Variants in AUTS2 observed in about 807,000 individuals in gnomAD.
The protein encoded by AUTS2 is activator of transcription and developmental regulator AUTS2, also known as autism susceptibility gene 2 protein.
AUTS2 carries 17 observed loss-of-function variants against 112.4 expected under a neutral mutation model. That is an observed-to-expected ratio of 0.15 (90% CI 0.10 to 0.23). The LOEUF (loss-of-function observed/expected upper bound fraction) is 0.23, where lower values mean the gene tolerates loss of function less well. AUTS2 is among the 10% of genes least tolerant of loss of function. The probability of loss-of-function intolerance (pLI) is 1.00; values close to 1 mark genes in which losing one functional copy is unlikely to be tolerated. For synonymous variants in AUTS2, 751 were observed against 702.7 expected (o/e 1.07, Z -1.09); for missense variants, 1,510 against 1,701.6 (o/e 0.89, Z 1.98).
intron 4 of AUTS2, among the ~76,000 whole-genome samples, chr7:70,142,240 G>A (rs557374295): frequency 6.6e-5 from 10 of 152,260 alleles, no homozygotes; most frequent in Admixed American, 2.0e-4. Context: ...CCCATCTCTG[G>A]CCCCTCAGAT....
At chr7:70,503,119 G>A (rs1450864915) in intron 5 of AUTS2, among the ~76,000 whole-genome samples, 1 of 152,096 alleles carries the variant, frequency 6.6e-6, no homozygotes, top group Admixed American at 6.5e-5. Context: ...ACCCATAGGT[G>A]TGCCTGTGCA....
Position 70,041,813 on chromosome 7 carries a change from TA to T in AUTS2, c.523-76317del, listed in dbSNP as rs1801261054. Among the ~76,000 whole-genome samples the T allele has an allele frequency of 1.3e-5, 2 of 152,226 alleles. 1 individual carries two copies. Among genetic ancestry groups the T allele is most frequent in the South Asian group, 4.1e-4 (2 of 4,836 alleles). On this transcript the variant is annotated intron_variant, in intron 2 of 18. Transcript: ENST00000342771. ...CTAGAAAACTTGTCTTTGAATATGA[TA>T]ACAGTGAAGGTAATATTTTCATTCC...
At chr7:70,309,576 A>G (rs1451105279) in intron 4 of AUTS2, among the ~76,000 whole-genome samples, 1 of 152,212 alleles carries the variant, frequency 6.6e-6, no homozygotes, top group Non-Finnish European at 1.5e-5. Flanking sequence ...CTTACCAATG[A>G]AAGCTTCAGA....
At chr7:69,831,645 T>C (rs1791506342) in intron 1 of AUTS2, among the ~76,000 whole-genome samples, 1 of 151,812 alleles carries the variant, frequency 6.6e-6, no homozygotes, top group South Asian at 2.1e-4. Flanking sequence ...TTTTTAATCA[T>C]CTGAACATGC....
chr7:70,555,372 C>G (rs986217045), intron 5 of AUTS2, among the ~76,000 whole-genome samples: 1 of 152,212 alleles, frequency 6.6e-6, no homozygotes, highest in Non-Finnish European at 1.5e-5. Context: ...AGACAGGTTG[C>G]TTTCATTGGT....
intron 1 of AUTS2, among the ~76,000 whole-genome samples, chr7:69,751,254 G>A (rs1417988338): frequency 6.6e-6 from 1 of 152,144 alleles, no homozygotes; most frequent in Admixed American, 6.5e-5. Flanking sequence ...GGCCACCCAG[G>A]GTCTGAGAGG....
At chr7:70,168,022 T>C (rs1808472820) in intron 4 of AUTS2, among the ~76,000 whole-genome samples, 2 of 152,264 alleles carry the variant, frequency 1.3e-5, no homozygotes, top group South Asian at 4.1e-4. Context: ...TCACAAGACT[T>C]GTTTGGGGAA....
At chr7:70,133,240 A>G (rs1487646253) in intron 3 of AUTS2, among the ~76,000 whole-genome samples, 1 of 152,204 alleles carries the variant, frequency 6.6e-6, no homozygotes, top group Non-Finnish European at 1.5e-5. Flanking sequence ...ATGTAGATAT[A>G]GTTACAGTAC....
At chr7:70,483,115 A>C (rs1797854557) in intron 5 of AUTS2, among the ~76,000 whole-genome samples, 1 of 152,266 alleles carries the variant, frequency 6.6e-6, no homozygotes, top group South Asian at 2.1e-4. Context: ...ACAGATGGGC[A>C]CATCACCTCT....
chr7:69,697,103 A>G (rs1368136441), intron 1 of AUTS2, among the ~76,000 whole-genome samples: 1 of 152,186 alleles, frequency 6.6e-6, no homozygotes, highest in African/African-American at 2.4e-5. Flanking sequence ...TAAAATGTAG[A>G]TTGCTAGACC....
chr7:69,952,555 G>T (rs1335799896), intron 2 of AUTS2, among the ~76,000 whole-genome samples: 1 of 152,136 alleles, frequency 6.6e-6, no homozygotes, highest in East Asian at 1.9e-4. Context: ...TCTAAGTTGT[G>T]TGACTTTGGG....
At chr7:70,710,712 G>A (rs142697415) in intron 6 of AUTS2, among the ~76,000 whole-genome samples, 24 of 152,302 alleles carry the variant, frequency 1.6e-4, no homozygotes, top group African/African-American at 5.3e-4. Flanking sequence ...TGTGTTCCTT[G>A]GGAAAATTCC....
intron 2 of AUTS2, among the ~76,000 whole-genome samples, chr7:70,078,323 G>A (rs1214426591): frequency 6.6e-6 from 1 of 152,124 alleles, no homozygotes; most frequent in African/African-American, 2.4e-5. Flanking sequence ...ATCCTGGGTG[G>A]ACAGATCAGG....
chr7:70,057,141 A>G (rs961310633), intron 2 of AUTS2, among the ~76,000 whole-genome samples: 1 of 152,140 alleles, frequency 6.6e-6, no homozygotes, highest in Non-Finnish European at 1.5e-5. Flanking sequence ...CATACAAAGC[A>G]GGTTTCTTGA....
intron 4 of AUTS2, among the ~76,000 whole-genome samples, chr7:70,209,496 T>TG (rs1562788027): frequency 6.6e-6 from 1 of 152,120 alleles, no homozygotes; most frequent in African/African-American, 2.4e-5. Flanking sequence ...TTGAAAGCTA[T>TG]GGGGCTGTTT....
intron 5 of AUTS2, among the ~76,000 whole-genome samples, chr7:70,627,566 C>T (rs1805016016): frequency 6.6e-6 from 1 of 152,242 alleles, no homozygotes; most frequent in South Asian, 2.1e-4. Context: ...CTCATTATTC[C>T]ATCTCTGCCA....
intron 5 of AUTS2, among the ~76,000 whole-genome samples, chr7:70,602,187 C>G (rs1803507620): frequency 6.6e-6 from 1 of 151,430 alleles, no homozygotes; most frequent in Non-Finnish European, 1.5e-5. Flanking sequence ...CCATCATCCT[C>G]TCACATAGCT....
chr7:69,795,279 A>G (rs1789790109), intron 1 of AUTS2, among the ~76,000 whole-genome samples: 1 of 152,198 alleles, frequency 6.6e-6, no homozygotes, highest in Non-Finnish European at 1.5e-5. Flanking sequence ...AAGATTTGAA[A>G]GGGAGGTTGG....
chr7:70,099,073 C>T (rs1282047583), intron 2 of AUTS2, among the ~76,000 whole-genome samples: 3 of 152,030 alleles, frequency 2.0e-5, no homozygotes, highest in Non-Finnish European at 4.4e-5. Flanking sequence ...CTTGAAAATT[C>T]CTGCCCGTCA....
Sources: allele counts gnomAD v4.1 joint callset (sites outside exome capture counted in the v4.1 genomes callset), GRCh38; gene constraint gnomAD v4.1.1; transcripts MANE v1.5; gene names NCBI Gene and HGNC (gene_info 2026-07-23, HGNC 2026-07-21).